NRG1: variants seen among roughly 807,000 people sequenced by gnomAD.
The protein encoded by NRG1 is neuregulin 1, also known as pro-neuregulin-1, membrane-bound isoform.
NRG1 carries 18 observed loss-of-function variants against 63.8 expected under a neutral mutation model. The observed-to-expected ratio is 0.28, with a 90% CI of 0.19 to 0.42. NRG1 has a LOEUF of 0.42. Ranked by LOEUF, NRG1 falls within the 10% of genes least tolerant of loss-of-function variation. The probability of loss-of-function intolerance (pLI) is 1.00; values close to 1 mark genes in which losing one functional copy is unlikely to be tolerated. For missense variants in NRG1, 762 were observed against 814.7 expected, an observed-to-expected ratio of 0.94 and a Z score of 0.79; for synonymous variants, 302 against 301.3, an observed-to-expected ratio of 1.00 and a Z score of -0.02.
At chr8:32,758,476 G>C (rs1174954597) in intron 9 of NRG1, among the ~76,000 whole-genome samples, 1 of 149,324 alleles carries the variant, frequency 6.7e-6, no homozygotes, top group African/African-American at 2.5e-5. Flanking sequence ...ACTCGGGAGG[G>C]TGAGGCAGGA....
intron 1 of NRG1, among the ~76,000 whole-genome samples, chr8:32,204,412 G>C (rs1160683295): frequency 6.6e-6 from 1 of 152,170 alleles, no homozygotes; most frequent in Non-Finnish European, 1.5e-5. Flanking sequence ...GAAAGTAGAA[G>C]CAGTCCTGTG....
At chr8:31,685,998 C>T (rs1467116510) in intron 1 of NRG1, among the ~76,000 whole-genome samples, 2 of 152,094 alleles carry the variant, frequency 1.3e-5, no homozygotes, top group Non-Finnish European at 2.9e-5. Context: ...TTTTATTTCT[C>T]TTAGGTGTAT....
chr8:31,906,049 CA>C (rs1372916655), intron 1 of NRG1, among the ~76,000 whole-genome samples: 4 of 152,186 alleles, frequency 2.6e-5, no homozygotes, highest in African/African-American at 9.6e-5. Context: ...CTTAAAATAA[CA>C]AGCATTTATT....
intron 1 of NRG1, among the ~76,000 whole-genome samples, chr8:31,934,663 A>G (rs772327331): frequency 1.3e-5 from 2 of 152,068 alleles, no homozygotes; most frequent in African/African-American, 4.8e-5. Context: ...TTTTACTTCT[A>G]TGGATAAATT....
At chr8:31,731,798 T>A (rs1452841778) in intron 1 of NRG1, among the ~76,000 whole-genome samples, 1 of 152,210 alleles carries the variant, frequency 6.6e-6, no homozygotes, top group African/African-American at 2.4e-5. Flanking sequence ...AAAATAAAGA[T>A]GTTAGCAAAT....
intron 1 of NRG1, among the ~76,000 whole-genome samples, chr8:31,662,133 T>C (rs1806052825): frequency 6.6e-6 from 1 of 152,204 alleles, no homozygotes. Context: ...TCTGGCACTT[T>C]CAAGATAAAT....
chr8:31,858,282 G>C (rs1429979613), intron 1 of NRG1, among the ~76,000 whole-genome samples: 2 of 151,206 alleles, frequency 1.3e-5, no homozygotes, highest in Non-Finnish European at 2.9e-5. Context: ...CTGGGCAACA[G>C]AGTGAGACTC....
chr8:32,515,415 G>T (rs116191526), intron 1 of NRG1, among the ~76,000 whole-genome samples: 1,638 of 151,990 alleles, frequency 0.011, 25 homozygotes, highest in African/African-American at 0.037. Flanking sequence ...CTTTTGAGAA[G>T]AAGTGTCTGT....
At chr8:31,647,733 C>T (rs767825421) in intron 1 of NRG1, among the ~76,000 whole-genome samples, 1 of 152,156 alleles carries the variant, frequency 6.6e-6, no homozygotes, top group African/African-American at 2.4e-5. Context: ...TTTGCAAGCC[C>T]GGACACCTCC....
chr8:31,929,771 A>G (rs963240516), intron 1 of NRG1, among the ~76,000 whole-genome samples: 1 of 152,014 alleles, frequency 6.6e-6, no homozygotes, highest in Non-Finnish European at 1.5e-5. Flanking sequence ...TCTTAATCTC[A>G]TTTCTAAAAA....
intron 1 of NRG1, among the ~76,000 whole-genome samples, chr8:31,943,108 G>A (rs117635337): frequency 6.6e-5 from 10 of 152,138 alleles, no homozygotes; most frequent in East Asian, 3.9e-4. Context: ...GCAAAAATAT[G>A]GAACCAGCCC....
At chr8:32,696,810 GCCA>G (rs1296472950) in intron 5 of NRG1, among the ~76,000 whole-genome samples, 1 of 151,970 alleles carries the variant, frequency 6.6e-6, no homozygotes, top group Non-Finnish European at 1.5e-5. Flanking sequence ...ACAGGCGTGC[GCCA>G]CCGCACCCAG....
exon 3 of NRG1, chr8:32,605,631 C>A (rs1845133638): frequency 6.2e-7 from 1 of 1,613,322 alleles, no homozygotes; most frequent in Admixed American, 1.7e-5. Flanking sequence ...AAGTGATCAG[C>A]AAATTAGGAA....
intron 1 of NRG1, among the ~76,000 whole-genome samples, chr8:32,524,501 T>A (rs954649781): frequency 6.6e-6 from 1 of 151,788 alleles, no homozygotes; most frequent in South Asian, 2.1e-4. Flanking sequence ...TAAAGATTTT[T>A]TTTTTCTATT....
chr8:31,948,786 C>T (rs1332281857), intron 1 of NRG1, among the ~76,000 whole-genome samples: 1 of 151,962 alleles, frequency 6.6e-6, no homozygotes, highest in Non-Finnish European at 1.5e-5. Context: ...GTAGGTGATT[C>T]ATGCCACGAG....
At chr8:32,044,610 T>C (rs74457069) in intron 1 of NRG1, among the ~76,000 whole-genome samples, 8,410 of 151,780 alleles carry the variant, frequency 0.055, 771 homozygotes, top group African/African-American at 0.19. Context: ...ACACAAAATA[T>C]GTTTTTTGTC....
rs1469061014 is a variant in NRG1, at chr8:31,809,744, T to G, written c.37+170313T>G. 1.1e-3 allele frequency among the ~76,000 whole-genome samples: 148 copies of G among 136,056 alleles called. 1 individual carries two copies. The highest frequency in any genetic ancestry group is 2.2e-3 in the East Asian group (11 of 5,074). The allele number at this position is 136,056 out of a possible 152,430, so 89.3% of individuals were successfully genotyped here. ...TTTTCTACTCCTTCTATTAATTGTT[T>G]TTTTTTTTTTTTTTTTTTGAGAACT... On this transcript the variant is annotated intron_variant, in intron 1 of 10. Coordinates refer to the NRG1 transcript ENST00000519301.
chr8:31,877,426 T>C (rs903465750), intron 1 of NRG1, among the ~76,000 whole-genome samples: 3 of 152,012 alleles, frequency 2.0e-5, no homozygotes, highest in African/African-American at 7.2e-5. Context: ...CTGTATATAT[T>C]CTGTTCTTTT....
intron 5 of NRG1, chr8:32,646,652 T>A: frequency 1.0e-6 from 1 of 970,792 alleles, no homozygotes; most frequent in Non-Finnish European, 1.2e-6. Flanking sequence ...GCTGGCAAGG[T>A]GGGGGTGGAA....
Sources: gnomAD v4.1 joint callset for allele counts (sites outside exome capture counted in the v4.1 genomes callset) on GRCh38, gnomAD v4.1.1 for gene constraint, MANE v1.5 for transcripts, NCBI Gene and HGNC (gene_info 2026-07-23, HGNC 2026-07-21) for gene names.